Variants in CTDSPL observed in about 807,000 individuals in gnomAD.
The protein encoded by CTDSPL is CTD small phosphatase-like protein.
CTDSPL carries 8 observed loss-of-function variants against 30.5 expected under a neutral mutation model. The ratio of observed to expected loss-of-function variants is 0.26; its 90% CI spans 0.15 to 0.47. The LOEUF (loss-of-function observed/expected upper bound fraction) is 0.47. Ranked by LOEUF, CTDSPL falls within the 20% of genes least tolerant of loss-of-function variation. The pLI, the probability that CTDSPL is intolerant of heterozygous loss-of-function variation, is 0.99. For missense variants in CTDSPL, 248 were observed against 366.1 expected (o/e 0.68, Z 2.63); for synonymous variants, 110 against 137.9 (o/e 0.80, Z 1.42).
chr3:37,900,769 A>G (rs1217842658), intron 1 of CTDSPL, among the ~76,000 whole-genome samples: 1 of 152,152 alleles, frequency 6.6e-6, no homozygotes, highest in Non-Finnish European at 1.5e-5. Context: ...TGTCATTAAA[A>G]GTCCTTAGAG....
intron 2 of CTDSPL, among the ~76,000 whole-genome samples, chr3:37,947,420 C>T (rs986572295): frequency 6.6e-6 from 1 of 151,998 alleles, no homozygotes; most frequent in Non-Finnish European, 1.5e-5. Context: ...ATTAGCTGGG[C>T]GTGGTGGCAG....
chr3:37,940,617 C>T (rs7622209), intron 1 of CTDSPL, among the ~76,000 whole-genome samples: 37,212 of 149,930 alleles, frequency 0.25, 7,960 homozygotes, highest in African/African-American at 0.52. Flanking sequence ...GGCAAATATC[C>T]CTTCCAATAG....
In CTDSPL at chr3:37,980,751, C is replaced by T; in HGVS notation, c.715C>T (p.Gln239Ter). Residue 239 changes from glutamine to a stop codon, truncating the protein, a stop_gained, in exon 8 of 8, where the codon CAG (glutamine) becomes TAG (stop). Transcript: ENST00000273179. LOFTEE classifies it high-confidence loss of function. ...IFHPENAVPV[Q>*]SWFDDMTDTE... ...ATGCACTGTCTTCCAGGTGCCTGTG[C>T]AGTCCTGGTTCGATGACATGACGGA... The T allele has an allele frequency of 1.2e-6, 2 of 1,614,210 alleles. No homozygotes were observed. The highest frequency in any genetic ancestry group is 1.7e-6 in the Non-Finnish European group (2 of 1,180,018).
intron 1 of CTDSPL, among the ~76,000 whole-genome samples, chr3:37,899,841 T>C (rs1462229011): frequency 6.6e-6 from 1 of 152,220 alleles, no homozygotes; most frequent in African/African-American, 2.4e-5. Context: ...TCCTTAGCTT[T>C]GCTGCTTATC....
intron 1 of CTDSPL, among the ~76,000 whole-genome samples, chr3:37,898,699 A>G (rs1479778606): frequency 6.6e-6 from 1 of 152,230 alleles, no homozygotes; most frequent in East Asian, 1.9e-4. Flanking sequence ...ACAATGATAT[A>G]CAACAGAGTT....
intron 1 of CTDSPL, among the ~76,000 whole-genome samples, chr3:37,892,135 T>A (rs1698335146): frequency 6.6e-6 from 1 of 152,172 alleles, no homozygotes; most frequent in African/African-American, 2.4e-5. Flanking sequence ...CCCCAGACTT[T>A]TGATAATTAG....
At chr3:37,870,204 G>A (rs987504752) in intron 1 of CTDSPL, among the ~76,000 whole-genome samples, 19 of 151,876 alleles carry the variant, frequency 1.3e-4, no homozygotes, top group Non-Finnish European at 2.7e-4. Flanking sequence ...GGGTTGGGGG[G>A]AATTTTTAAA....
chr3:37,872,346 G>A (rs1325018431), intron 1 of CTDSPL, among the ~76,000 whole-genome samples: 2 of 151,588 alleles, frequency 1.3e-5, no homozygotes, highest in Non-Finnish European at 2.9e-5. Flanking sequence ...CATTCAGTTC[G>A]GGAAGTCCTT....
At chr3:37,884,416 A>G (rs1698241751) in intron 1 of CTDSPL, among the ~76,000 whole-genome samples, 1 of 152,262 alleles carries the variant, frequency 6.6e-6, no homozygotes, top group Non-Finnish European at 1.5e-5. Flanking sequence ...AACAGCAGTT[A>G]TCTATGAGTG....
At chr3:37,909,610 G>C (rs1272753235) in intron 1 of CTDSPL, among the ~76,000 whole-genome samples, 1 of 152,240 alleles carries the variant, frequency 6.6e-6, no homozygotes, top group African/African-American at 2.4e-5. Context: ...GTTTTTCCCA[G>C]TGTGGTGATG....
chr3:37,899,869 G>T (rs140960498), intron 1 of CTDSPL, among the ~76,000 whole-genome samples: 1 of 152,268 alleles, frequency 6.6e-6, no homozygotes, highest in East Asian at 1.9e-4. Flanking sequence ...AACCTTAGAT[G>T]AATTAGTTAA....
At chr3:37,934,810 C>T (rs895500842) in intron 1 of CTDSPL, among the ~76,000 whole-genome samples, 10 of 152,188 alleles carry the variant, frequency 6.6e-5, no homozygotes, top group African/African-American at 1.9e-4. Context: ...CAGTCATTCT[C>T]ATTGTTCTGT....
At chr3:37,974,421 C>T (rs1275287405) in intron 6 of CTDSPL, among the ~76,000 whole-genome samples, 1 of 152,254 alleles carries the variant, frequency 6.6e-6, no homozygotes, top group East Asian at 1.9e-4. Context: ...GCGCCACCAG[C>T]CACAGGTGCT....
chr3:37,869,689 A>G (rs565280871), intron 1 of CTDSPL, among the ~76,000 whole-genome samples: 1 of 152,240 alleles, frequency 6.6e-6, no homozygotes, highest in Non-Finnish European at 1.5e-5. Flanking sequence ...TCTTGGTCCC[A>G]GTCTTAGGGG....
chr3:37,937,273 G>T lies in CTDSPL; in HGVS notation c.80-9784G>T. Among the ~76,000 whole-genome samples, 2 of 150,240 alleles carry T rather than the reference G, an allele frequency of 1.3e-5. 1 individual carries two copies. Among genetic ancestry groups the T allele is most frequent in the Non-Finnish European group, 3.0e-5 (2 of 67,016 alleles). ...TCCCCACCAAAGCTCATATTGGGGT[G>T]CCGTTGCCATTGTAGTGGTGTTGGG... On this transcript the variant is annotated intron_variant, in intron 1 of 7. Coordinates refer to ENST00000273179, the MANE Select transcript of CTDSPL (RefSeq NM_001008392.2).
In CTDSPL at chr3:37,882,640, C is replaced by T. The variant is rs185248522; in HGVS notation, c.79+20362C>T. Among the ~76,000 whole-genome samples, 177 of 151,968 alleles carry T rather than the reference C, an allele frequency of 1.2e-3. 1 individual carries two copies. The highest frequency in any genetic ancestry group is 3.4e-3 in the Middle Eastern group (1 of 294). On this transcript the variant is annotated intron_variant, in intron 1 of 7. Transcript: ENST00000273179. The stretch of plus-strand genomic sequence containing the variant: ...TCAAAAAATAATAATAATAATAATC[C>T]TGGACTCTAGCTGAGTATTAGGATA...
At chr3:37,931,562 A>G (rs565749219) in intron 1 of CTDSPL, among the ~76,000 whole-genome samples, 91 of 152,168 alleles carry the variant, frequency 6.0e-4, no homozygotes, top group Non-Finnish European at 1.2e-3. Flanking sequence ...TTTTCTATTT[A>G]TCTTACAGTT....
intron 1 of CTDSPL, among the ~76,000 whole-genome samples, chr3:37,881,789 C>T (rs1023195549): frequency 2.0e-5 from 3 of 151,590 alleles, no homozygotes; most frequent in Non-Finnish European, 4.4e-5. Flanking sequence ...AAAATGTTTA[C>T]GCATGGTGAA....
chr3:37,919,582 T>C (rs1490402851), intron 1 of CTDSPL, among the ~76,000 whole-genome samples: 1 of 152,184 alleles, frequency 6.6e-6, no homozygotes, highest in African/African-American at 2.4e-5. Flanking sequence ...GTAGGAGTTT[T>C]CTAATCCAAA....
Sources: gnomAD v4.1 joint callset for allele counts (sites outside exome capture counted in the v4.1 genomes callset) on GRCh38, gnomAD v4.1.1 for gene constraint, MANE v1.5 for transcripts, NCBI Gene and HGNC (gene_info 2026-07-23, HGNC 2026-07-21) for gene names.